SLC13A3: variants seen among roughly 807,000 people sequenced by gnomAD.
The protein encoded by SLC13A3 is solute carrier family 13 member 3.
Under a neutral mutation model 59.0 loss-of-function variants are expected in SLC13A3, and 40 were observed. The ratio of observed to expected loss-of-function variants is 0.68; its 90% CI spans 0.53 to 0.88. The LOEUF (loss-of-function observed/expected upper bound fraction) is 0.88, where lower values mean the gene tolerates loss of function less well. Among genes scored for constraint, SLC13A3 ranks in the 40% least tolerant of loss-of-function variants. The pLI, the probability that SLC13A3 is intolerant of heterozygous loss-of-function variation, is 0.00. For missense variants in SLC13A3, 699 were observed against 783.2 expected (o/e 0.89, Z 1.28); for synonymous variants, 317 against 330.3 (o/e 0.96, Z 0.44).
chr20:46,656,131 A>T (rs554742689), upstream of SLC13A3, among the ~76,000 whole-genome samples: 277 of 142,986 alleles, frequency 1.9e-3, no homozygotes, highest in Non-Finnish European at 3.4e-3. Flanking sequence ...AATATACCAC[A>T]CAGTCTATAT....
intron 7 of SLC13A3, 114 bp downstream of exon 7, chr20:46,589,046 G>A (rs565030055): frequency 3.5e-6 from 3 of 861,596 alleles, no homozygotes; most frequent in Non-Finnish European, 3.7e-6. Context: ...CCACGCCACG[G>A]GTCCTGGAAT....
intron 1 of SLC13A3, among the ~76,000 whole-genome samples, chr20:46,664,670 A>G (rs1444179410): frequency 6.6e-6 from 1 of 152,224 alleles, no homozygotes; most frequent in Non-Finnish European, 1.5e-5. Context: ...TGGGAAGAAA[A>G]CACAAGGAAG....
upstream of SLC13A3, among the ~76,000 whole-genome samples, chr20:46,674,600 C>CGTGTGTGTGTGT (rs1224790534): frequency 1.0e-4 from 5 of 48,402 alleles, no homozygotes; most frequent in Non-Finnish European, 1.5e-4. Context: ...CGCGCGCGCG[C>CGTGTGTGTGTGT]GCGCGTGTGT....
chr20:46,578,917 AT>A (rs2062106761), intron 9 of SLC13A3, among the ~76,000 whole-genome samples: 1 of 152,022 alleles, frequency 6.6e-6, no homozygotes, highest in Non-Finnish European at 1.5e-5. Context: ...CATCATCATC[AT>A]CATCATCATC....
At chr20:46,621,390 A>G (rs1286796670) in intron 1 of SLC13A3, among the ~76,000 whole-genome samples, 2 of 152,214 alleles carry the variant, frequency 1.3e-5, no homozygotes, top group Admixed American at 6.5e-5. Flanking sequence ...TAATAATGTA[A>G]AACAAAGATG....
Position 46,618,518 on chromosome 20 carries a change from G to A in SLC13A3, c.112-4793C>T, listed in dbSNP as rs1222781002. On this transcript the variant is annotated intron_variant, in intron 1 of 12. Transcript: ENST00000279027. ...GTGGTAATAAGAGGCAGGGACTTTG[G>A]GAGGTGATTAGGTCGTGAGGGCTCT... 2.0e-5 allele frequency among the ~76,000 whole-genome samples: 3 copies of A among 152,184 alleles called. No individual in the cohort carries two copies. In the East Asian group the frequency reaches 5.8e-4, roughly 29 times the overall value.
At chr20:46,658,210 A>G (rs1462536229) in intron 1 of SLC13A3, among the ~76,000 whole-genome samples, 2 of 151,984 alleles carry the variant, frequency 1.3e-5, no homozygotes, top group Admixed American at 6.6e-5. Flanking sequence ...ATAAATATCA[A>G]AAAAAAACCC....
chr20:46,564,919 G>A (rs1358361223), intron 11 of SLC13A3, among the ~76,000 whole-genome samples: 1 of 152,210 alleles, frequency 6.6e-6, no homozygotes, highest in Admixed American at 6.5e-5. Flanking sequence ...GTGTATATCT[G>A]TGTGCTAACA....
chr20:46,647,210 C>T (rs759420937), intron 1 of SLC13A3, among the ~76,000 whole-genome samples: 36 of 152,226 alleles, frequency 2.4e-4, no homozygotes, highest in Non-Finnish European at 3.5e-4. Flanking sequence ...TTGCACAACA[C>T]TCTGTAGCAG....
At chr20:46,611,717 C>T (rs1347309793) in intron 2 of SLC13A3, among the ~76,000 whole-genome samples, 1 of 152,174 alleles carries the variant, frequency 6.6e-6, no homozygotes, top group Non-Finnish European at 1.5e-5. Context: ...CTCTAAATGG[C>T]CTTCTAACTG....
chr20:46,572,374 C>G (rs956429502), intron 10 of SLC13A3, among the ~76,000 whole-genome samples: 1 of 152,160 alleles, frequency 6.6e-6, no homozygotes, highest in Non-Finnish European at 1.5e-5. Context: ...ACACAAAGCC[C>G]CTGTTGAAGA....
chr20:46,639,468 CCAAAAAAA>C (rs993181140), intron 1 of SLC13A3, among the ~76,000 whole-genome samples: 7 of 151,870 alleles, frequency 4.6e-5, no homozygotes, highest in Admixed American at 3.9e-4. Context: ...CAGAAAAAAA[CCAAAAAAA>C]CAAAAAAACA....
In SLC13A3 at chr20:46,585,625, G is replaced by T. The variant is rs972619366; in HGVS notation, c.1122-1956C>A. On this transcript the variant is annotated intron_variant, in intron 8 of 12. Transcript: ENST00000279027. ...AACAGCGTGATCACAATGTAGAACA[G>T]TTCTCAGATAGGCATTGTTTAAAAG... 13 of 1,266,152 alleles carry T rather than the reference G, an allele frequency of 1.0e-5. No individual in the cohort carries two copies. In the African/African-American group the frequency reaches 1.9e-4, roughly 18 times the overall value. 78.4% of individuals were successfully genotyped at this position (1,266,152 alleles called of 1,614,324 possible).
intron 4 of SLC13A3, among the ~76,000 whole-genome samples, chr20:46,596,565 C>G (rs1005910372): frequency 6.6e-6 from 1 of 152,140 alleles, no homozygotes; most frequent in Middle Eastern, 3.4e-3. Flanking sequence ...ATTCACCATG[C>G]CATTAAATAT....
chr20:46,566,407 A>T lies in SLC13A3; in HGVS notation c.1333-17T>A. 6.2e-7 allele frequency: 1 copy of T among 1,609,244 alleles called. No homozygotes were observed. The highest frequency in any genetic ancestry group is 8.5e-7 in the Non-Finnish European group (1 of 1,176,848). On this transcript the variant is annotated splice_polypyrimidine_tract_variant and intron_variant, in intron 10 of 12. Coordinates refer to ENST00000279027, the MANE Select transcript of SLC13A3 (RefSeq NM_022829.6). ...CCCCGATTCCTGCGGAGGGAAAGGCATTCCTTCATACCCCAGCCCATCCCC... is the reference window on the plus strand; with the variant it reads ...CCCCGATTCCTGCGGAGGGAAAGGCTTTCCTTCATACCCCAGCCCATCCCC...
At chr20:46,664,673 C>G (rs921315370) in intron 1 of SLC13A3, among the ~76,000 whole-genome samples, 1 of 152,012 alleles carries the variant, frequency 6.6e-6, no homozygotes, top group Admixed American at 6.6e-5. Flanking sequence ...GAAGAAAACA[C>G]AAGGAAGCAG....
At chr20:46,571,024 T>C (rs1352070230) in intron 10 of SLC13A3, among the ~76,000 whole-genome samples, 1 of 152,090 alleles carries the variant, frequency 6.6e-6, no homozygotes. Context: ...ACAATCATGG[T>C]GGAAGTGGAA....
At chr20:46,578,268 C>G (rs995847865) in intron 9 of SLC13A3, among the ~76,000 whole-genome samples, 1 of 151,986 alleles carries the variant, frequency 6.6e-6, no homozygotes, top group Non-Finnish European at 1.5e-5. Flanking sequence ...ATATTGAGTA[C>G]CTGCCATGTG....
rs757659698 is a variant in SLC13A3 at position 46,563,407 on chromosome 20, G to A, written c.1632+7C>T. 2 of 1,612,944 alleles carry A rather than the reference G, an allele frequency of 1.2e-6. No homozygotes were observed. Among genetic ancestry groups the A allele is most frequent in the African/African-American group, 2.7e-5 (2 of 74,926 alleles). On this transcript the variant is annotated splice_region_variant and intron_variant, in intron 12 of 12. Coordinates refer to ENST00000279027, the MANE Select transcript of SLC13A3 (RefSeq NM_022829.6). ...CGGGGCCTCTGCTGGGAAATGCCCA[G>A]ACTCACCATGTCTTTGACCAGCAAG...
Sources: allele counts gnomAD v4.1 joint callset (sites outside exome capture counted in the v4.1 genomes callset), GRCh38; gene constraint gnomAD v4.1.1; transcripts MANE v1.5; gene names NCBI Gene and HGNC (gene_info 2026-07-23, HGNC 2026-07-21).